CPA6: variants seen among roughly 807,000 people sequenced by gnomAD.
CPA6 encodes carboxypeptidase A6.
Under a neutral mutation model 63.3 loss-of-function variants are expected in CPA6, and 58 were observed. The ratio of observed to expected loss-of-function variants is 0.92; its 90% CI spans 0.74 to 1.14. CPA6 has a LOEUF of 1.14. Among genes scored for constraint, CPA6 ranks in the 50% most tolerant of loss-of-function variants. The pLI is 0.00. For synonymous variants in CPA6, 185 were observed against 179.0 expected (o/e 1.03, Z -0.27); for missense variants, 565 against 526.6 (o/e 1.07, Z -0.71).
At chr8:67,677,343 T>A (rs1159996347) in intron 1 of CPA6, among the ~76,000 whole-genome samples, 2 of 10,728 alleles carry the variant, frequency 1.9e-4, no homozygotes, top group Admixed American at 1.7e-3. Context: ...AAACACCTTC[T>A]TTTTTTTTTT....
chr8:67,491,929 G>A (rs889550869), intron 6 of CPA6, among the ~76,000 whole-genome samples: 8 of 152,272 alleles, frequency 5.3e-5, no homozygotes, highest in African/African-American at 1.9e-4. Context: ...GGTTACTACT[G>A]TGCATCTCAT....
intron 1 of CPA6, among the ~76,000 whole-genome samples, chr8:67,718,572 T>C (rs1336957766): frequency 6.6e-6 from 1 of 152,106 alleles, no homozygotes; most frequent in Non-Finnish European, 1.5e-5. Context: ...CACATCTTAA[T>C]CTGGACTGAT....
At chr8:67,524,404 G>C (rs1489520163) in intron 2 of CPA6, among the ~76,000 whole-genome samples, 1 of 152,136 alleles carries the variant, frequency 6.6e-6, no homozygotes, top group Non-Finnish European at 1.5e-5. Context: ...TCAAGGTGTT[G>C]GCTAGGCTGT....
At chr8:67,613,781 A>G (rs1045241326) in intron 2 of CPA6, among the ~76,000 whole-genome samples, 8 of 152,166 alleles carry the variant, frequency 5.3e-5, no homozygotes, top group African/African-American at 1.7e-4. Flanking sequence ...GTGCCCAAAA[A>G]GTTGCCTTTT....
chr8:67,571,947 A>G (rs1813496234), intron 2 of CPA6, among the ~76,000 whole-genome samples: 1 of 152,142 alleles, frequency 6.6e-6, no homozygotes, highest in Admixed American at 6.5e-5. Context: ...TAGACTAACC[A>G]AGAAAAAAGA....
At chr8:67,658,095 C>G (rs1816029002) in intron 1 of CPA6, among the ~76,000 whole-genome samples, 1 of 152,108 alleles carries the variant, frequency 6.6e-6, no homozygotes, top group Non-Finnish European at 1.5e-5. Context: ...TTTGTTCCTC[C>G]TACAGCGAAT....
At chr8:67,660,281 C>A (rs1043140843) in intron 1 of CPA6, among the ~76,000 whole-genome samples, 1 of 147,128 alleles carries the variant, frequency 6.8e-6, no homozygotes, top group Non-Finnish European at 1.5e-5. Context: ...CCTTATCCAC[C>A]AATGTAGTAT....
chr8:67,542,315 C>A (rs1812724635), intron 2 of CPA6, among the ~76,000 whole-genome samples: 1 of 152,232 alleles, frequency 6.6e-6, no homozygotes, highest in Admixed American at 6.5e-5. Flanking sequence ...TTTGAAGACA[C>A]TGAAATTTTC....
intron 1 of CPA6, among the ~76,000 whole-genome samples, chr8:67,708,457 T>C (rs1346943787): frequency 6.6e-6 from 1 of 152,224 alleles, no homozygotes; most frequent in East Asian, 1.9e-4. Context: ...TACTTATTCC[T>C]TTGAACTAAC....
intron 1 of CPA6, among the ~76,000 whole-genome samples, chr8:67,695,132 T>G (rs1386765879): frequency 6.6e-6 from 1 of 152,142 alleles, no homozygotes; most frequent in Non-Finnish European, 1.5e-5. Context: ...TGATTATTCA[T>G]TAGATGCCAT....
intron 2 of CPA6, among the ~76,000 whole-genome samples, chr8:67,591,935 T>C (rs1814137929): frequency 6.6e-6 from 1 of 151,970 alleles, no homozygotes; most frequent in African/African-American, 2.4e-5. Flanking sequence ...TGAATAGGAG[T>C]GATGAGAGAG....
chr8:67,535,945 C>T (rs986305165), intron 2 of CPA6, among the ~76,000 whole-genome samples: 12 of 152,186 alleles, frequency 7.9e-5, no homozygotes, highest in African/African-American at 2.7e-4. Context: ...TTTCCCAACA[C>T]CATTTATTAA....
intron 6 of CPA6, among the ~76,000 whole-genome samples, chr8:67,487,224 G>C (rs1160303626): frequency 5.3e-5 from 8 of 151,950 alleles, no homozygotes; most frequent in Non-Finnish European, 7.4e-5. Flanking sequence ...CTCAAGAAAG[G>C]TCCCAGTGTG....
chr8:67,629,504 C>T (rs900898666), intron 1 of CPA6, among the ~76,000 whole-genome samples: 4 of 147,836 alleles, frequency 2.7e-5, no homozygotes, highest in African/African-American at 7.6e-5. Flanking sequence ...AAAATAAGAC[C>T]CAAAGTACTT....
intron 1 of CPA6, among the ~76,000 whole-genome samples, chr8:67,637,371 C>A (rs1815492233): frequency 2.0e-5 from 3 of 151,546 alleles, no homozygotes; most frequent in Admixed American, 1.3e-4. Context: ...GGAGAAAAAG[C>A]AATAACATGT....
At chr8:67,631,768 C>T (rs545865146) in intron 1 of CPA6, among the ~76,000 whole-genome samples, 35 of 152,264 alleles carry the variant, frequency 2.3e-4, no homozygotes, top group African/African-American at 7.0e-4. Context: ...ACACTCACTG[C>T]GAAGATCTGC....
chr8:67,637,741 T>G (rs7842038), intron 1 of CPA6, among the ~76,000 whole-genome samples: 39,776 of 151,020 alleles, frequency 0.26, 5,760 homozygotes, highest in South Asian at 0.33. Context: ...ATAGAAAATA[T>G]GTAGTAAAAA....
At chr8:67,536,974 T>C (rs1587534429) in intron 2 of CPA6, among the ~76,000 whole-genome samples, 3 of 152,240 alleles carry the variant, frequency 2.0e-5, no homozygotes, top group African/African-American at 7.2e-5. Flanking sequence ...TGTCATTGTT[T>C]CTGTTTATGT....
At chr8:67,442,900 G>T (rs1008025007) in intron 8 of CPA6, among the ~76,000 whole-genome samples, 1 of 152,088 alleles carries the variant, frequency 6.6e-6, no homozygotes, top group African/African-American at 2.4e-5. Context: ...GCCAGATGCA[G>T]GTATCCTTTA....
Sources: allele counts gnomAD v4.1 joint callset (sites outside exome capture counted in the v4.1 genomes callset), GRCh38; gene constraint gnomAD v4.1.1; transcripts MANE v1.5; gene names NCBI Gene and HGNC (gene_info 2026-07-23, HGNC 2026-07-21).